Variants in LRRIQ3 observed in about 807,000 individuals in gnomAD.
The protein encoded by LRRIQ3 is leucine rich repeats and IQ motif containing 3.
A neutral mutation model predicts 59.3 loss-of-function variants in LRRIQ3; 75 were observed. That is an observed-to-expected ratio of 1.26 (90% CI 1.05 to 1.53). LRRIQ3 has a LOEUF of 1.53. LRRIQ3 is among the 40% of genes most tolerant of loss of function. The pLI, the probability that LRRIQ3 is intolerant of heterozygous loss-of-function variation, is 0.00. For missense variants in LRRIQ3, 831 were observed against 710.0 expected, an observed-to-expected ratio of 1.17 and a Z score of -1.94; for synonymous variants, 250 against 231.3, an observed-to-expected ratio of 1.08 and a Z score of -0.73.
intron 4 of LRRIQ3, among the ~76,000 whole-genome samples, chr1:74,133,004 A>C (rs538015732): frequency 1.7e-4 from 26 of 152,260 alleles, no homozygotes; most frequent in African/African-American, 5.8e-4. Flanking sequence ...CAAAGAACTT[A>C]AACAAATTTA....
In LRRIQ3 at chr1:74,041,244, T is replaced by A; in HGVS notation, c.1687A>T (p.Lys563Ter). Reference sequence around the variant, plus strand: ...TTTTTCATTTCTTTAAGTAAATTCTTTCTATATTTTTCTGCTTTTAGTTTT... The same window carrying A: ...TTTTTCATTTCTTTAAGTAAATTCTATCTATATTTTTCTGCTTTTAGTTTT... The part of the protein sequence containing the change: ...KQKLKAEKYR[K>*]NLLKEMKKVR... Residue 563 changes from lysine to a stop codon, truncating the protein, a stop_gained, in exon 7 of 8, where the codon AAG becomes TAG. Transcript: ENST00000354431. LOFTEE classifies it low-confidence loss of function (END_TRUNC). 6.3e-7 allele frequency: 1 copy of A among 1,587,252 alleles called. No individual in the cohort carries two copies. The highest frequency in any genetic ancestry group is 1.2e-5 in the South Asian group (1 of 85,162).
intron 3 of LRRIQ3, among the ~76,000 whole-genome samples, chr1:74,175,718 A>T (rs182180951): frequency 1.3e-5 from 2 of 152,270 alleles, no homozygotes; most frequent in Admixed American, 6.5e-5. Flanking sequence ...GGAGGGCTAG[A>T]ACTGAGAATC....
At chr1:74,077,589 C>A (rs1291031980) in intron 5 of LRRIQ3, among the ~76,000 whole-genome samples, 2 of 151,936 alleles carry the variant, frequency 1.3e-5, no homozygotes, top group Non-Finnish European at 2.9e-5. Context: ...AATATATTTT[C>A]TTCGTTTCTC....
chr1:74,075,439 TGCCTGTAATCCCA>T (rs1646195942), intron 5 of LRRIQ3, among the ~76,000 whole-genome samples: 1 of 151,838 alleles, frequency 6.6e-6, no homozygotes, highest in Admixed American at 6.6e-5. Context: ...TGGTGGTGCA[TGCCTGTAATCCCA>T]GCTACTCAGG....
At chr1:74,125,674 A>G (rs1646925189) in intron 4 of LRRIQ3, among the ~76,000 whole-genome samples, 1 of 151,980 alleles carries the variant, frequency 6.6e-6, no homozygotes, top group Non-Finnish European at 1.5e-5. Context: ...ATGTACGTTG[A>G]ACCATCCTTG....
chr1:74,109,043 A>G (rs1338402242), intron 5 of LRRIQ3: 3 of 213,362 alleles, frequency 1.4e-5, no homozygotes, highest in Non-Finnish European at 2.8e-5. Flanking sequence ...CAATGAATGA[A>G]TGTTGTATTA....
chr1:74,191,319 T>C (rs72670753), intron 1 of LRRIQ3, among the ~76,000 whole-genome samples: 44 of 152,180 alleles, frequency 2.9e-4, no homozygotes, highest in Non-Finnish European at 5.0e-4. Context: ...AGAAGAGAAA[T>C]GATATAGGTC....
chr1:74,066,663 A>G lies in LRRIQ3; in HGVS notation c.997+7998T>C, dbSNP rs571575335. Among the ~76,000 whole-genome samples, 490 of 152,294 alleles carry G rather than the reference A, an allele frequency of 3.2e-3. 4 individuals are homozygous for G. The highest frequency in any genetic ancestry group is 0.011 in the African/African-American group (450 of 41,580). ...CTCACTTAATTTTCATAGCCTACTT[A>G]TGAAATATATGTTTTTATTATAGCT... is the stretch of plus-strand genomic sequence containing the variant. On this transcript the variant is annotated intron_variant, in intron 6 of 7. Transcript: ENST00000354431.
intron 5 of LRRIQ3, among the ~76,000 whole-genome samples, chr1:74,085,644 T>G (rs10890106): frequency 0.85 from 128,743 of 151,776 alleles, 55,509 homozygotes; most frequent in East Asian, 0.97. Context: ...TAAATTGAAG[T>G]AGTTACCAGG....
intron 1 of LRRIQ3, among the ~76,000 whole-genome samples, chr1:74,196,646 T>A (rs1651162006): frequency 6.6e-6 from 1 of 152,124 alleles, no homozygotes; most frequent in South Asian, 2.1e-4. Flanking sequence ...TGATGGCCAA[T>A]CCATCCCAAG....
chr1:74,120,440 C>T (rs769559397), intron 4 of LRRIQ3, among the ~76,000 whole-genome samples: 14 of 151,722 alleles, frequency 9.2e-5, no homozygotes, highest in African/African-American at 1.7e-4. Context: ...AAATATTTTC[C>T]GGTTTTATTA....
intron 5 of LRRIQ3, among the ~76,000 whole-genome samples, chr1:74,076,505 G>A (rs1304278297): frequency 6.6e-6 from 1 of 152,050 alleles, no homozygotes; most frequent in Non-Finnish European, 1.5e-5. Context: ...GAAGAAGAAA[G>A]TCAGGTAAAC....
intron 1 of LRRIQ3, among the ~76,000 whole-genome samples, chr1:74,184,747 C>G (rs1650246077): frequency 6.6e-6 from 1 of 152,252 alleles, no homozygotes; most frequent in Middle Eastern, 3.4e-3. Flanking sequence ...GATCGACGAA[C>G]ACCTTATGAA....
chr1:74,162,069 C>A lies in LRRIQ3; in HGVS notation c.574-6203G>T, dbSNP rs142258990. ...TAACCTATCTGTATCATGTTTTCAT[C>A]ATTTGTAAAATGGAGATAACGATGG... On this transcript the variant is annotated intron_variant, in intron 3 of 7. Transcript: ENST00000354431. Among the ~76,000 whole-genome samples, 345 of 151,896 alleles carry A rather than the reference C, an allele frequency of 2.3e-3. 4 individuals carry two copies. The highest frequency in any genetic ancestry group is 7.6e-3 in the African/African-American group (314 of 41,480).
chr1:74,062,545 T>A (rs1654750018), intron 6 of LRRIQ3, among the ~76,000 whole-genome samples: 1 of 151,986 alleles, frequency 6.6e-6, no homozygotes, highest in Non-Finnish European at 1.5e-5. Flanking sequence ...GGAATAGAAA[T>A]CACAGCACTA....
At chr1:74,146,667 T>C (rs1160650144) in intron 4 of LRRIQ3, among the ~76,000 whole-genome samples, 1 of 152,238 alleles carries the variant, frequency 6.6e-6, no homozygotes, top group Non-Finnish European at 1.5e-5. Flanking sequence ...TTATGATCCA[T>C]GAAATATGGG....
chr1:74,180,129 C>G (rs1355965529), intron 3 of LRRIQ3: 1 of 151,940 alleles, frequency 6.6e-6, no homozygotes, highest in African/African-American at 2.4e-5. Flanking sequence ...TGTCCAACAA[C>G]TGCAAGCTAT....
chr1:74,046,656 C>A (rs939373423), intron 6 of LRRIQ3, among the ~76,000 whole-genome samples: 11 of 152,092 alleles, frequency 7.2e-5, no homozygotes, highest in African/African-American at 2.7e-4. Flanking sequence ...TCAGAGTGAA[C>A]AGGCAACCTA....
At chr1:74,114,747 A>C (rs1274102987) in intron 4 of LRRIQ3, among the ~76,000 whole-genome samples, 1 of 151,746 alleles carries the variant, frequency 6.6e-6, no homozygotes, top group Non-Finnish European at 1.5e-5. Flanking sequence ...AAAAAAAAAA[A>C]AAATGCACCA....
Sources: allele counts gnomAD v4.1 joint callset (sites outside exome capture counted in the v4.1 genomes callset), GRCh38; gene constraint gnomAD v4.1.1; transcripts MANE v1.5; gene names NCBI Gene and HGNC (gene_info 2026-07-23, HGNC 2026-07-21).